MACF1: variants seen among roughly 807,000 people sequenced by gnomAD.
MACF1 encodes the protein microtubule-actin cross-linking factor 1.
A neutral mutation model predicts 854.8 loss-of-function variants in MACF1; 193 were observed. The observed-to-expected ratio is 0.23, with a 90% CI of 0.20 to 0.25. The LOEUF is 0.25. MACF1 is among the 10% of genes least tolerant of loss of function. The pLI is 1.00. For missense variants in MACF1, 7,722 were observed against 8,929.1 expected (o/e 0.86, Z 5.45); for synonymous variants, 3,185 against 3,226.7 (o/e 0.99, Z 0.44).
intron 71 of MACF1, among the ~76,000 whole-genome samples, chr1:39,438,901 G>A (rs1199307068): frequency 2.0e-5 from 3 of 151,936 alleles, no homozygotes; most frequent in Non-Finnish European, 4.4e-5. Flanking sequence ...TGGCCAACAT[G>A]GTGAAACCCC....
At chr1:39,264,625 G>A (rs77103344) in intron 6 of MACF1, among the ~76,000 whole-genome samples, 4,476 of 150,702 alleles carry the variant, frequency 0.03, 228 homozygotes, top group African/African-American at 0.1. Context: ...CACAGAGACC[G>A]ACTGACTTTT....
intron 2 of MACF1, among the ~76,000 whole-genome samples, chr1:39,130,359 C>A (rs1413376628): frequency 1.3e-5 from 2 of 152,150 alleles, no homozygotes; most frequent in Non-Finnish European, 2.9e-5. Flanking sequence ...TACTAAATGA[C>A]CTTTTGTAGT....
chr1:39,102,839 C>G, intron 2 of MACF1: 2 of 702,570 alleles, frequency 2.8e-6, no homozygotes, highest in Non-Finnish European at 5.2e-6. Flanking sequence ...ACTGTGTGGT[C>G]TGGCTATAAA....
At chr1:39,241,490 T>C (rs916293059) in intron 2 of MACF1, among the ~76,000 whole-genome samples, 5 of 151,896 alleles carry the variant, frequency 3.3e-5, no homozygotes, top group Non-Finnish European at 5.9e-5. Context: ...TGAAACCCCG[T>C]CTCTACTAAA....
chr1:39,407,843 G>T (rs1196815422), intron 58 of MACF1, among the ~76,000 whole-genome samples: 2 of 152,164 alleles, frequency 1.3e-5, no homozygotes, highest in African/African-American at 2.4e-5. Context: ...CAGAGATTCC[G>T]AATTTTAATA....
intron 2 of MACF1, among the ~76,000 whole-genome samples, chr1:39,244,471 C>T (rs1032757750): frequency 3.3e-5 from 5 of 151,906 alleles, no homozygotes; most frequent in Admixed American, 3.3e-4. Context: ...TTAGTAGAGA[C>T]GGGATTTCAC....
At chr1:39,164,101 A>G (rs1355749635) in intron 2 of MACF1, among the ~76,000 whole-genome samples, 1 of 152,126 alleles carries the variant, frequency 6.6e-6, no homozygotes, top group African/African-American at 2.4e-5. Context: ...GTTTTATGGA[A>G]TTCCATCAAA....
At chr1:39,471,652 A>G (rs1644779379) in intron 97 of MACF1, among the ~76,000 whole-genome samples, 1 of 152,200 alleles carries the variant, frequency 6.6e-6, no homozygotes, top group Non-Finnish European at 1.5e-5. Context: ...GGAAATCATG[A>G]TGTTTTGGAT....
intron 23 of MACF1, among the ~76,000 whole-genome samples, chr1:39,306,158 CTTT>C (rs544782936): frequency 2.8e-5 from 4 of 142,562 alleles, no homozygotes; most frequent in Admixed American, 7.0e-5. Flanking sequence ...ACTTTCTTTA[CTTT>C]TTTTTTTTTT....
chr1:39,198,929 C>T (rs1041041493), intron 2 of MACF1, among the ~76,000 whole-genome samples: 8 of 152,210 alleles, frequency 5.3e-5, no homozygotes, highest in East Asian at 1.9e-4. Context: ...AGTCTTGTAA[C>T]GAGGAAGTAT....
chr1:39,094,020 C>T (rs1402619221), intron 2 of MACF1, among the ~76,000 whole-genome samples: 1 of 149,468 alleles, frequency 6.7e-6, no homozygotes, highest in Non-Finnish European at 1.5e-5. Flanking sequence ...CTCAGGTGAT[C>T]CACCGCCTCG....
intron 95 of MACF1, among the ~76,000 whole-genome samples, chr1:39,466,118 G>T (rs1211193972): frequency 6.6e-6 from 1 of 152,220 alleles, no homozygotes; most frequent in Non-Finnish European, 1.5e-5. Flanking sequence ...AGGCCTCAAA[G>T]ATCACATGCC....
rs939352369 is a variant in MACF1, at chr1:39,444,980, T to C, written c.19605+145T>C. 10 of 635,224 alleles carry C rather than the reference T, an allele frequency of 1.6e-5. No individual in the cohort carries two copies. In the South Asian group the frequency reaches 2.5e-4, roughly 16 times the overall value. The allele number at this position is 635,224 out of a possible 1,614,324, so 39.3% of individuals were successfully genotyped here. Reference sequence around the variant, plus strand: ...CTGATTCCATCTGTGTTGAGTTGCATTGATGGTATAAGTTTCTGTTGTTAT... The same window carrying C: ...CTGATTCCATCTGTGTTGAGTTGCACTGATGGTATAAGTTTCTGTTGTTAT... On this transcript the variant is annotated intron_variant, in intron 80 of 100. Transcript: ENST00000564288.
chr1:39,224,799 G>C (rs1396642708), intron 1 of MACF1, among the ~76,000 whole-genome samples: 1 of 152,170 alleles, frequency 6.6e-6, no homozygotes, highest in Non-Finnish European at 1.5e-5. Context: ...CTCTGGCAAT[G>C]AAACTAAAAT....
chr1:39,412,420 G>A (rs1211659344), intron 58 of MACF1: 1 of 1,614,046 alleles, frequency 6.2e-7, no homozygotes, highest in Non-Finnish European at 8.5e-7. Context: ...TGATGAGGAT[G>A]GTGAGGCAAA....
Position 39,251,835 on chromosome 1 carries a change from G to C in MACF1, c.262-11G>C. 7.3e-7 allele frequency: 1 copy of C among 1,371,136 alleles called. No homozygotes were observed. The highest frequency in any genetic ancestry group is 9.5e-7 in the Non-Finnish European group (1 of 1,056,254). 84.9% of individuals were successfully genotyped at this position (1,371,136 alleles called of 1,614,324 possible). On this transcript the variant is annotated splice_polypyrimidine_tract_variant and intron_variant, in intron 3 of 100. Coordinates refer to ENST00000564288, the MANE Select transcript of MACF1 (RefSeq NM_001394062.1). ...CCTCTATTGTGTCTTTGCCTTGGTTGGTGGCCAAAGGAGCCAGCAGGGCTG... is the reference window on the plus strand; with the variant it reads ...CCTCTATTGTGTCTTTGCCTTGGTTCGTGGCCAAAGGAGCCAGCAGGGCTG...
At chr1:39,237,675 C>A (rs1390617803) in intron 2 of MACF1, among the ~76,000 whole-genome samples, 1 of 150,828 alleles carries the variant, frequency 6.6e-6, no homozygotes, top group African/African-American at 2.4e-5. Context: ...ATCTTCTGAT[C>A]AAAATTACTT....
rs544689528 is a variant in MACF1, at chr1:39,431,484, A to T, written c.17337+576A>T. Reference sequence around the variant, plus strand: ...AAAAAATAAGTTAATATAACTCCTTAGGATCATAGTGATGAACATATGCTT... The same window carrying T: ...AAAAAATAAGTTAATATAACTCCTTTGGATCATAGTGATGAACATATGCTT... On this transcript the variant is annotated intron_variant, in intron 66 of 100. Transcript: ENST00000564288. 1.0e-3 allele frequency among the ~76,000 whole-genome samples: 153 copies of T among 152,342 alleles called. No individual in the cohort carries two copies. In the Middle Eastern group the frequency reaches 0.01, roughly 10 times the overall value.
intron 2 of MACF1, among the ~76,000 whole-genome samples, chr1:39,118,175 G>C (rs1360973115): frequency 6.6e-6 from 1 of 152,226 alleles, no homozygotes; most frequent in Non-Finnish European, 1.5e-5. Context: ...TTTGTAACTT[G>C]AGAAAATTTA....
Sources: gnomAD v4.1 joint callset for allele counts (sites outside exome capture counted in the v4.1 genomes callset) on GRCh38, gnomAD v4.1.1 for gene constraint, MANE v1.5 for transcripts, NCBI Gene and HGNC (gene_info 2026-07-23, HGNC 2026-07-21) for gene names.